Variants in TANC2 observed in about 807,000 individuals in gnomAD.
TANC2 encodes the protein tetratricopeptide repeat, ankyrin repeat and coiled-coil containing 2, also known as protein TANC2.
In TANC2, 26 loss-of-function variants were observed where a neutral mutation model predicts 210.5. The ratio of observed to expected loss-of-function variants is 0.12; its 90% CI spans 0.09 to 0.17. The LOEUF is 0.17. Ranked by LOEUF, TANC2 falls within the 10% of genes least tolerant of loss-of-function variation. The pLI, the probability that TANC2 is intolerant of heterozygous loss-of-function variation, is 1.00. For missense variants in TANC2, 2,129 were observed against 2,608.9 expected (o/e 0.82, Z 4.01); for synonymous variants, 931 against 967.1 (o/e 0.96, Z 0.69).
intron 1 of TANC2, among the ~76,000 whole-genome samples, chr17:62,997,246 C>T (rs1366424450): frequency 6.6e-6 from 1 of 151,704 alleles, no homozygotes; most frequent in Non-Finnish European, 1.5e-5. Context: ...AGCAGTTCTC[C>T]TGCCTCTCAG....
At chr17:63,022,101 G>T in intron 2 of TANC2, among the ~76,000 whole-genome samples, 1 of 152,110 alleles carries the variant, frequency 6.6e-6, no homozygotes, top group East Asian at 1.9e-4. Context: ...AGCACTTTGG[G>T]AGTCTGAGGC....
At position 63,169,515 on chromosome 17, in the gene TANC2, G is replaced by A. The variant is rs187904998; in HGVS notation, c.433+18135G>A. 9.7e-3 allele frequency among the ~76,000 whole-genome samples: 1,475 copies of A among 152,218 alleles called. 22 individuals carry two copies. The highest frequency in any genetic ancestry group is 0.043 in the Admixed American group (662 of 15,282). On this transcript the variant is annotated intron_variant, in intron 5 of 27. Coordinates refer to ENST00000689528, the Ensembl canonical transcript of TANC2. ...TTGGTGATTCATCACCATCATGTCA[G>A]TTCTTTAATGCTTTAAGAATTTTTA...
chr17:63,262,956 ATGTAAAATG>A (rs2146238985), intron 8 of TANC2, among the ~76,000 whole-genome samples: 1 of 152,244 alleles, frequency 6.6e-6, no homozygotes, highest in East Asian at 1.9e-4. Context: ...ACTCTCTCTG[ATGTAAAATG>A]TGGCATCTAA....
chr17:63,245,670 G>A (rs1339072584), intron 8 of TANC2, among the ~76,000 whole-genome samples: 12 of 151,870 alleles, frequency 7.9e-5, no homozygotes, highest in South Asian at 2.1e-4. Flanking sequence ...GTGAAACTCC[G>A]TCTCTACTAA....
intron 5 of TANC2, among the ~76,000 whole-genome samples, chr17:63,187,619 A>G (rs1458343274): frequency 1.3e-5 from 2 of 152,102 alleles, no homozygotes; most frequent in African/African-American, 4.8e-5. Flanking sequence ...GTGTTTTTTG[A>G]AGAAATGTTC....
intron 7 of TANC2, among the ~76,000 whole-genome samples, chr17:63,210,835 A>G (rs879415703): frequency 7.2e-5 from 11 of 152,186 alleles, no homozygotes; most frequent in Non-Finnish European, 1.2e-4. Flanking sequence ...GTTTAATACT[A>G]TAGAACATTT....
At chr17:63,358,273 A>G (rs1350184279) in intron 14 of TANC2, among the ~76,000 whole-genome samples, 2 of 152,252 alleles carry the variant, frequency 1.3e-5, no homozygotes, top group East Asian at 1.9e-4. Flanking sequence ...TTGACCTACC[A>G]GAGAGAATGA....
At chr17:63,024,540 A>G (rs1422516976) in intron 2 of TANC2, among the ~76,000 whole-genome samples, 1 of 151,922 alleles carries the variant, frequency 6.6e-6, no homozygotes, top group East Asian at 1.9e-4. Context: ...TCTTGTGCTG[A>G]TCTCCTATCT....
At chr17:63,076,685 A>C (rs1258992541) in intron 3 of TANC2, among the ~76,000 whole-genome samples, 2 of 152,172 alleles carry the variant, frequency 1.3e-5, no homozygotes, top group Non-Finnish European at 2.9e-5. Context: ...TTATAGAACT[A>C]TTATCCCCAG....
chr17:63,272,336 A>G (rs981845927), intron 9 of TANC2, among the ~76,000 whole-genome samples: 6 of 152,130 alleles, frequency 3.9e-5, no homozygotes, highest in Admixed American at 6.6e-5. Context: ...TACCAGTACC[A>G]TGCTGTTTTG....
At chr17:63,300,338 A>G (rs2044672842) in intron 9 of TANC2, among the ~76,000 whole-genome samples, 1 of 152,192 alleles carries the variant, frequency 6.6e-6, no homozygotes, top group Admixed American at 6.5e-5. Flanking sequence ...TGGTAGTTTG[A>G]TGGGAATAAC....
intron 11 of TANC2, among the ~76,000 whole-genome samples, chr17:63,330,644 T>C (rs1192714241): frequency 6.6e-6 from 1 of 152,252 alleles, no homozygotes; most frequent in African/African-American, 2.4e-5. Context: ...TTTTAATTGC[T>C]GTTTTCCAGA....
intron 5 of TANC2, among the ~76,000 whole-genome samples, chr17:63,191,986 C>T (rs184559365): frequency 3.9e-4 from 60 of 152,174 alleles, no homozygotes; most frequent in African/African-American, 1.4e-3. Context: ...TGGAGGGATT[C>T]GCAATTAGGT....
intron 5 of TANC2, among the ~76,000 whole-genome samples, chr17:63,190,036 T>C (rs1441314160): frequency 6.6e-6 from 1 of 152,166 alleles, no homozygotes; most frequent in African/African-American, 2.4e-5. Flanking sequence ...GCATCCTTGT[T>C]AAAAATCATT....
chr17:63,101,325 A>G (rs1308842732), intron 4 of TANC2, among the ~76,000 whole-genome samples: 1 of 152,190 alleles, frequency 6.6e-6, no homozygotes, highest in Middle Eastern at 3.2e-3. Context: ...AATTATCAAA[A>G]TGCAATAATT....
intron 1 of TANC2, among the ~76,000 whole-genome samples, chr17:62,972,085 T>C (rs1273451813): frequency 6.6e-6 from 1 of 152,196 alleles, no homozygotes; most frequent in South Asian, 2.1e-4. Context: ...GTGAAAAAAC[T>C]TTCTGGGACC....
chr17:63,094,678 A>T (rs1014223837), intron 3 of TANC2, among the ~76,000 whole-genome samples: 2 of 152,200 alleles, frequency 1.3e-5, no homozygotes, highest in African/African-American at 2.4e-5. Flanking sequence ...CATTTATGTT[A>T]AGTATAATAC....
intron 11 of TANC2, among the ~76,000 whole-genome samples, chr17:63,322,613 T>C (rs2045531488): frequency 6.6e-6 from 1 of 152,258 alleles, no homozygotes; most frequent in Non-Finnish European, 1.5e-5. Context: ...TTGAAGGACC[T>C]ATAGTCCAGG....
intron 7 of TANC2, among the ~76,000 whole-genome samples, chr17:63,218,653 T>C (rs1415969476): frequency 6.6e-6 from 1 of 152,172 alleles, no homozygotes; most frequent in Non-Finnish European, 1.5e-5. Context: ...CCCAGTACTT[T>C]GGGAGGCTGA....
Sources: allele counts gnomAD v4.1 joint callset (sites outside exome capture counted in the v4.1 genomes callset), GRCh38; gene constraint gnomAD v4.1.1; transcripts MANE v1.5; gene names NCBI Gene and HGNC (gene_info 2026-07-23, HGNC 2026-07-21).